The following FAF1 variants were observed in gnomAD, a reference collection of about 807,000 sequenced individuals.
The protein encoded by FAF1 is Fas associated factor 1.
A neutral mutation model predicts 92.5 loss-of-function variants in FAF1; 25 were observed. The ratio of observed to expected loss-of-function variants is 0.27; its 90% CI spans 0.20 to 0.38. The LOEUF is 0.38. Ranked by LOEUF, FAF1 falls within the 10% of genes least tolerant of loss-of-function variation. The pLI, the probability that FAF1 is intolerant of heterozygous loss-of-function variation, is 1.00. For missense variants in FAF1, 636 were observed against 793.3 expected (o/e 0.80, Z 2.38); for synonymous variants, 234 against 273.2 (o/e 0.86, Z 1.42).
At position 50,792,541 on chromosome 1, in the gene FAF1, A is replaced by G. The variant is rs555953134; in HGVS notation, c.162-4336T>C. ...AAACTCTCAAAAGAGTCCACATTTC[A>G]TGAGGATGAGATGCCTGAACCTTCC... is the stretch of plus-strand genomic sequence containing the variant. On this transcript the variant is annotated intron_variant, in intron 3 of 18. Coordinates refer to ENST00000396153, the MANE Select transcript of FAF1 (RefSeq NM_007051.3). 1.0e-3 allele frequency among the ~76,000 whole-genome samples: 156 copies of G among 152,346 alleles called. 1 individual carries two copies. The highest frequency in any genetic ancestry group is 1.9e-3 in the Non-Finnish European group (130 of 68,034).
At chr1:50,547,786 C>A (rs1482052255) in intron 13 of FAF1, among the ~76,000 whole-genome samples, 1 of 152,158 alleles carries the variant, frequency 6.6e-6, no homozygotes, top group Non-Finnish European at 1.5e-5. Context: ...GGCTTTGAGG[C>A]ACTTAAAGTT....
chr1:50,602,881 GCTA>G (rs1222321497), intron 8 of FAF1, among the ~76,000 whole-genome samples: 1 of 152,070 alleles, frequency 6.6e-6, no homozygotes, highest in Non-Finnish European at 1.5e-5. Context: ...TATAATAACT[GCTA>G]CTATTAAGAG....
chr1:50,885,798 CTT>C (rs1644657311), intron 1 of FAF1, among the ~76,000 whole-genome samples: 1 of 152,076 alleles, frequency 6.6e-6, no homozygotes, highest in African/African-American at 2.4e-5. Context: ...CAGAAGGTGA[CTT>C]TCTCTGGTAG....
At chr1:50,537,554 G>A (rs1272306588) in intron 14 of FAF1, among the ~76,000 whole-genome samples, 1 of 151,978 alleles carries the variant, frequency 6.6e-6, no homozygotes, top group African/African-American at 2.4e-5. Context: ...AATTAAAATA[G>A]AAATATTTAA....
At chr1:50,523,571 T>C (rs1351526850) in intron 15 of FAF1, among the ~76,000 whole-genome samples, 1 of 152,204 alleles carries the variant, frequency 6.6e-6, no homozygotes, top group Non-Finnish European at 1.5e-5. Flanking sequence ...TTTGAAGAAA[T>C]GTCTATTCAA....
intron 18 of FAF1, among the ~76,000 whole-genome samples, chr1:50,463,405 T>C (rs905849843): frequency 3.9e-5 from 6 of 152,174 alleles, no homozygotes; most frequent in African/African-American, 1.4e-4. Context: ...ATATGCTGAG[T>C]CCTGTGAGTC....
intron 15 of FAF1, among the ~76,000 whole-genome samples, chr1:50,532,886 A>T (rs1361221980): frequency 1.3e-5 from 2 of 152,158 alleles, no homozygotes; most frequent in Non-Finnish European, 2.9e-5. Context: ...AGCATAGCTC[A>T]CTGCAGCCTT....
intron 2 of FAF1, among the ~76,000 whole-genome samples, chr1:50,809,127 T>C (rs565393260): frequency 3.4e-4 from 51 of 152,184 alleles, no homozygotes; most frequent in Middle Eastern, 3.4e-3. Context: ...AAAGCAATGT[T>C]AGGAGAAAAG....
At chr1:50,686,061 T>C (rs976447080) in intron 7 of FAF1, among the ~76,000 whole-genome samples, 3 of 152,210 alleles carry the variant, frequency 2.0e-5, no homozygotes, top group Non-Finnish European at 4.4e-5. Flanking sequence ...AAAATACTGA[T>C]GGAAGCACTA....
intron 7 of FAF1, among the ~76,000 whole-genome samples, chr1:50,697,512 C>G (rs1313192368): frequency 6.6e-6 from 1 of 152,070 alleles, no homozygotes; most frequent in Admixed American, 6.6e-5. Flanking sequence ...AGCTACAGGG[C>G]CGTATATAGG....
intron 6 of FAF1, among the ~76,000 whole-genome samples, chr1:50,719,361 A>C (rs1658313853): frequency 6.6e-6 from 1 of 152,184 alleles, no homozygotes; most frequent in African/African-American, 2.4e-5. Context: ...ACAATCTTAA[A>C]ACCATGTTTA....
At chr1:50,685,425 A>ATATAG (rs1656615173) in intron 7 of FAF1, among the ~76,000 whole-genome samples, 1 of 152,206 alleles carries the variant, frequency 6.6e-6, no homozygotes, top group Non-Finnish European at 1.5e-5. Flanking sequence ...CTGCTATAGT[A>ATATAG]TATAGTATAG....
chr1:50,758,504 C>A (rs577950881), intron 4 of FAF1, among the ~76,000 whole-genome samples: 2 of 152,302 alleles, frequency 1.3e-5, no homozygotes, highest in South Asian at 4.1e-4. Context: ...TAATACATTG[C>A]TATAATTTCT....
At chr1:50,784,911 A>C (rs930412773) in intron 4 of FAF1, among the ~76,000 whole-genome samples, 1 of 152,154 alleles carries the variant, frequency 6.6e-6, no homozygotes, top group Non-Finnish European at 1.5e-5. Flanking sequence ...CTAGAGTGCC[A>C]AGACCCCACA....
intron 1 of FAF1, among the ~76,000 whole-genome samples, chr1:50,910,420 C>T (rs12089202): frequency 6.6e-6 from 1 of 152,208 alleles, no homozygotes; most frequent in African/African-American, 2.4e-5. Context: ...AGCTGTCAGA[C>T]AGGGAAGTTT....
At chr1:50,705,639 C>A in intron 7 of FAF1, 147 bp downstream of exon 7, 1 of 540,870 alleles carries the variant, frequency 1.8e-6, no homozygotes, top group South Asian at 3.0e-5. Flanking sequence ...CTACAGTAAT[C>A]ATTGATGCTC....
intron 1 of FAF1, among the ~76,000 whole-genome samples, chr1:50,866,627 T>C (rs745610481): frequency 6.6e-6 from 1 of 151,916 alleles, no homozygotes; most frequent in African/African-American, 2.4e-5. Flanking sequence ...CTTAGGAATA[T>C]ACTTAACCAA....
rs372428817 is a variant in FAF1 at position 50,828,690 on chromosome 1, A to G, written c.115-27013T>C. Reference sequence around the variant, plus strand: ...TCGATAAATTACGACATTAAATATAAAAGGTAAAAACAATGCTTCTAAAAG... The same window carrying G: ...TCGATAAATTACGACATTAAATATAGAAGGTAAAAACAATGCTTCTAAAAG... On this transcript the variant is annotated intron_variant, in intron 2 of 18. Transcript: ENST00000396153. 1.8e-4 allele frequency among the ~76,000 whole-genome samples: 28 copies of G among 152,352 alleles called. No individual in the cohort carries two copies. In the South Asian group the frequency reaches 4.6e-3, roughly 25 times the overall value.
intron 1 of FAF1, among the ~76,000 whole-genome samples, chr1:50,958,107 G>T (rs77603669): frequency 0.066 from 10,054 of 152,098 alleles, 412 homozygotes; most frequent in East Asian, 0.095. Flanking sequence ...ACCAGCCTGG[G>T]CAACATGGCA....
Sources: gnomAD v4.1 joint callset for allele counts (sites outside exome capture counted in the v4.1 genomes callset) on GRCh38, gnomAD v4.1.1 for gene constraint, MANE v1.5 for transcripts, NCBI Gene and HGNC (gene_info 2026-07-23, HGNC 2026-07-21) for gene names.